The following KITLG variants were observed in gnomAD, a reference collection of about 807,000 sequenced individuals.
KITLG encodes KIT ligand, also known as c-Kit ligand.
KITLG carries 13 observed loss-of-function variants against 34.1 expected under a neutral mutation model. That is an observed-to-expected ratio of 0.38 (90% CI 0.25 to 0.61). KITLG has a LOEUF of 0.61. KITLG is among the 20% of genes least tolerant of loss of function. KITLG has a pLI of 0.60. For missense variants in KITLG, 292 were observed against 318.9 expected, an observed-to-expected ratio of 0.92 and a Z score of 0.64; for synonymous variants, 110 against 104.0, an observed-to-expected ratio of 1.06 and a Z score of -0.35.
chr12:88,571,047 TAAG>T (rs1164641555), intron 1 of KITLG, among the ~76,000 whole-genome samples: 3 of 152,170 alleles, frequency 2.0e-5, no homozygotes, highest in African/African-American at 7.2e-5. Flanking sequence ...GAGTGTCAAA[TAAG>T]ATAGATAACG....
At chr12:88,549,705 TAG>T (rs1313852265) in intron 1 of KITLG, among the ~76,000 whole-genome samples, 1 of 152,120 alleles carries the variant, frequency 6.6e-6, no homozygotes, top group Non-Finnish European at 1.5e-5. Flanking sequence ...AATCTGGACT[TAG>T]GAGGGAAACT....
In KITLG at chr12:88,495,709, G is replaced by C. The variant is rs1315954899; in HGVS notation, c.*1510C>G. ...AGCAGTTAGTTTTTCATGCCCTTTT[G>C]TGTCACTACATTGAAAACTGTCATC... On this transcript the variant is annotated 3_prime_UTR_variant, in exon 10 of 10. Transcript: ENST00000644744. The C allele has an allele frequency of 6.6e-6, 1 of 152,288 alleles. No homozygotes were observed. The highest frequency in any genetic ancestry group is 2.4e-5 in the African/African-American group (1 of 41,420). 9.4% of individuals were successfully genotyped at this position (152,288 alleles called of 1,614,324 possible). A position where few individuals can be genotyped will look rare whatever the true frequency, so the allele number is the denominator to read the frequency against.
intron 1 of KITLG, among the ~76,000 whole-genome samples, chr12:88,548,989 T>A (rs776413316): frequency 7.2e-5 from 11 of 152,244 alleles, no homozygotes; most frequent in Non-Finnish European, 1.6e-4. Context: ...AGTGTCTCAT[T>A]AAGAAGACAA....
chr12:88,531,064 C>T (rs759979856), intron 3 of KITLG, among the ~76,000 whole-genome samples: 2 of 152,134 alleles, frequency 1.3e-5, no homozygotes, highest in Non-Finnish European at 2.9e-5. Flanking sequence ...AAACACAGTA[C>T]AGTAGTTGAA....
rs1316265416 is a variant in KITLG at position 88,545,748 on chromosome 12, T to C, written c.129+4A>G. On this transcript the variant is annotated splice_donor_region_variant and intron_variant, in intron 2 of 9. Coordinates refer to ENST00000644744, the MANE Select transcript of KITLG (RefSeq NM_000899.5). ...CACAGCACGGTAAAGCATTCCTTAC[T>C]TACCAATTTAGTGACGTCTTTTACA... The C allele has an allele frequency of 3.3e-6, 5 of 1,514,724 alleles. No individual in the cohort carries two copies. Among genetic ancestry groups the C allele is most frequent in the Non-Finnish European group, 4.6e-6 (5 of 1,089,990 alleles). The allele number at this position is 1,514,724 out of a possible 1,614,324, so 93.8% of individuals were successfully genotyped here.
At chr12:88,520,166 T>A (rs181632688) in intron 3 of KITLG, among the ~76,000 whole-genome samples, 5 of 152,332 alleles carry the variant, frequency 3.3e-5, no homozygotes, top group African/African-American at 1.2e-4. Flanking sequence ...CAACTCGTCA[T>A]AACCAAGTTC....
At chr12:88,578,929 G>A (rs1871918574) in intron 1 of KITLG, among the ~76,000 whole-genome samples, 9 of 152,228 alleles carry the variant, frequency 5.9e-5, no homozygotes, top group Admixed American at 5.9e-4. Context: ...ACAGCACGCT[G>A]TGGTGATTCC....
At chr12:88,569,799 C>T (rs1396398824) in intron 1 of KITLG, among the ~76,000 whole-genome samples, 2 of 152,100 alleles carry the variant, frequency 1.3e-5, no homozygotes, top group Non-Finnish European at 2.9e-5. Flanking sequence ...TACTAAACTG[C>T]TATTGAGTAT....
At chr12:88,569,801 A>G (rs1726027691) in intron 1 of KITLG, among the ~76,000 whole-genome samples, 1 of 152,172 alleles carries the variant, frequency 6.6e-6, no homozygotes, top group African/African-American at 2.4e-5. Context: ...CTAAACTGCT[A>G]TTGAGTATGT....
At chr12:88,533,300 C>T (rs944721865) in intron 2 of KITLG, among the ~76,000 whole-genome samples, 2 of 152,152 alleles carry the variant, frequency 1.3e-5, no homozygotes, top group African/African-American at 4.8e-5. Flanking sequence ...AATCTAAACT[C>T]TGTATGTTGG....
In KITLG at chr12:88,506,353, G is replaced by A. The variant is rs1411048985; in HGVS notation, c.740C>T (p.Ala247Val). Reference protein sequence around the residue: ...WKKRQPSLTRAVENIQINEED... With the variant: ...WKKRQPSLTRVVENIQINEED... The stretch of plus-strand genomic sequence containing the variant: ...TTCATTAATTTGTATATTTTCAACT[G>A]CCCTTGTAAGACTTGGCTGTCTCTT... The change falls in exon 8 of 10, where the codon GCA becomes GTA. Residue 247 changes from alanine to valine, a missense_variant. By Grantham distance (64) the Ala-to-Val change is moderately conservative (BLOSUM62 0). Transcript: ENST00000644744. 1.2e-6 allele frequency: 2 copies of A among 1,609,402 alleles called. No individual in the cohort carries two copies. Among genetic ancestry groups the A allele is most frequent in the Middle Eastern group, 1.7e-4 (1 of 6,050 alleles).
In KITLG at chr12:88,532,513, CA is replaced by C. The variant is rs11428619; in HGVS notation, c.130-11del. ...TTGGAAGATTTGCCACCTACAGAGA[CA>C]AAAAAAAAAATTCCATAAGAAAATT... On this transcript the variant is annotated splice_polypyrimidine_tract_variant and intron_variant, in intron 2 of 9. Transcript: ENST00000644744. 34,313 of 1,162,582 alleles carry C rather than the reference CA, an allele frequency of 0.03. No homozygotes were observed. Among genetic ancestry groups the C allele is most frequent in the South Asian group, 0.041 (2,395 of 57,942 alleles). The allele number at this position is 1,162,582 out of a possible 1,614,324, so 72.0% of individuals were successfully genotyped here. A position where few individuals can be genotyped will look rare whatever the true frequency, so the allele number is the denominator to read the frequency against.
intron 3 of KITLG, among the ~76,000 whole-genome samples, chr12:88,525,274 C>T (rs1869823884): frequency 6.6e-6 from 1 of 152,102 alleles, no homozygotes; most frequent in Non-Finnish European, 1.5e-5. Flanking sequence ...GCACCCATGC[C>T]CTTAGGTGAC....
chr12:88,500,375 C>A (rs920688473), intron 9 of KITLG, among the ~76,000 whole-genome samples: 3 of 152,128 alleles, frequency 2.0e-5, no homozygotes, highest in African/African-American at 4.8e-5. Flanking sequence ...ATGCAGAGGC[C>A]TGGACTTTGA....
rs1245083779 is a variant in KITLG, at chr12:88,518,912, A to T, written c.193-45T>A. ...AGACAAAACAGCTATTTTAATAAGT[A>T]AGTGCCATAAAACTCGGAGTACTCT... On this transcript the variant is annotated intron_variant, in intron 3 of 9. Transcript: ENST00000644744. The T allele has an allele frequency of 4.5e-6, 7 of 1,553,416 alleles. No homozygotes were observed. The South Asian group carries it at 7.9e-5, about 17-fold the overall frequency.
intron 2 of KITLG, among the ~76,000 whole-genome samples, chr12:88,538,939 T>C (rs1377300870): frequency 1.3e-5 from 2 of 152,188 alleles, no homozygotes; most frequent in African/African-American, 4.8e-5. Context: ...CTGTCTTCTT[T>C]GGATGTCTTA....
chr12:88,527,941 A>G lies in KITLG; in HGVS notation c.192+4500T>C, dbSNP rs11104929. Among the ~76,000 whole-genome samples, 47 of 152,334 alleles carry G rather than the reference A, an allele frequency of 3.1e-4. No individual in the cohort carries two copies. In the East Asian group the frequency reaches 8.5e-3, roughly 28 times the overall value. On this transcript the variant is annotated intron_variant, in intron 3 of 9. Transcript: ENST00000644744. ...ATAAAGACAAAGAAAGCCTGAGGAA[A>G]TCTTAAAGGAGACTAGAGAGACAGG...
At chr12:88,554,866 A>T (rs1871046317) in intron 1 of KITLG, among the ~76,000 whole-genome samples, 1 of 152,164 alleles carries the variant, frequency 6.6e-6, no homozygotes. Context: ...CATTTAGTAG[A>T]TTTGTTAGTT....
intron 3 of KITLG, among the ~76,000 whole-genome samples, chr12:88,524,928 G>T (rs1307099557): frequency 6.6e-6 from 1 of 152,168 alleles, no homozygotes; most frequent in Non-Finnish European, 1.5e-5. Context: ...CATCATAGGA[G>T]TGGAGCCTCA....
Sources: allele counts gnomAD v4.1 joint callset (sites outside exome capture counted in the v4.1 genomes callset), GRCh38; gene constraint gnomAD v4.1.1; transcripts MANE v1.5; gene names NCBI Gene and HGNC (gene_info 2026-07-23, HGNC 2026-07-21).